The following URI1 variants were observed in gnomAD, a reference collection of about 807,000 sequenced individuals.
URI1 encodes unconventional prefoldin RPB5 interactor 1.
Under a neutral mutation model 60.2 loss-of-function variants are expected in URI1, and 39 were observed. That is an observed-to-expected ratio of 0.65 (90% CI 0.50 to 0.85). The LOEUF (loss-of-function observed/expected upper bound fraction) is 0.85. URI1 is among the 40% of genes least tolerant of loss of function. The pLI, the probability that URI1 is intolerant of heterozygous loss-of-function variation, is 0.00. For synonymous variants in URI1, 251 were observed against 236.8 expected, an observed-to-expected ratio of 1.06 and a Z score of -0.55; for missense variants, 691 against 665.9, an observed-to-expected ratio of 1.04 and a Z score of -0.42.
At chr19:29,966,551 C>CT (rs1438798523) in intron 1 of URI1, among the ~76,000 whole-genome samples, 1 of 152,156 alleles carries the variant, frequency 6.6e-6, no homozygotes, top group African/African-American at 2.4e-5. Context: ...AAGGGGTTTA[C>CT]TTAAAAGATT....
At position 29,996,499 on chromosome 19, in the gene URI1, G is replaced by A. The variant is rs1475732747; in HGVS notation, c.368-8862G>A. On this transcript the variant is annotated intron_variant, in intron 4 of 10. Coordinates refer to ENST00000392271, the MANE Select transcript of URI1 (RefSeq NM_003796.3). Reference sequence around the variant, plus strand: ...GTGTTTTGTGTGTGTGTGTGTGTGTGTATTCTTTAGGGTTTTCTGCATATT... The same window carrying A: ...GTGTTTTGTGTGTGTGTGTGTGTGTATATTCTTTAGGGTTTTCTGCATATT... Among the ~76,000 whole-genome samples the A allele has an allele frequency of 2.0e-5, 3 of 152,048 alleles. No individual in the cohort carries two copies. In the East Asian group the frequency reaches 5.8e-4, roughly 29 times the overall value.
At chr19:29,998,328 A>G (rs1255038507) in intron 4 of URI1, among the ~76,000 whole-genome samples, 1 of 152,034 alleles carries the variant, frequency 6.6e-6, no homozygotes, top group African/African-American at 2.4e-5. Flanking sequence ...AGGTTTCTAT[A>G]TATGTCTATT....
intron 1 of URI1, among the ~76,000 whole-genome samples, chr19:29,930,403 C>T (rs1247489798): frequency 6.6e-6 from 1 of 152,022 alleles, no homozygotes; most frequent in Non-Finnish European, 1.5e-5. Flanking sequence ...TTAGGTCTTA[C>T]GTTCAGGTCT....
At chr19:29,933,266 CT>C (rs1367874218) in intron 1 of URI1, among the ~76,000 whole-genome samples, 1 of 152,042 alleles carries the variant, frequency 6.6e-6, no homozygotes, top group Non-Finnish European at 1.5e-5. Context: ...TTGTTGGAAA[CT>C]TTTTGATTAC....
rs2055983166 is a variant in URI1 at position 30,009,154 on chromosome 19, G to A, written c.836G>A (p.Ser279Asn). The change falls in exon 8 of 11, where the codon AGT (serine) becomes AAT (asparagine). Residue 279 changes from serine to asparagine, a missense_variant. By Grantham distance (46) the Ser-to-Asn change is conservative (BLOSUM62 1). Transcript: ENST00000392271. ...HKDVASSEPFSGQVNSQLNCS... is the reference protein window; with the variant it reads ...HKDVASSEPFNGQVNSQLNCS... The stretch of plus-strand genomic sequence containing the variant: ...GATGTTGCAAGTTCAGAACCATTCA[G>A]TGGTCAAGTGAATAGTCAGTTGAAC... The A allele has an allele frequency of 6.2e-7, 1 of 1,613,976 alleles. No homozygotes were observed. The highest frequency in any genetic ancestry group is 2.2e-5 in the East Asian group (1 of 44,854).
chr19:29,971,140 A>C, intron 1 of URI1, 53 bp from the exon 2 acceptor site: 1 of 1,569,586 alleles, frequency 6.4e-7, no homozygotes, highest in Non-Finnish European at 8.8e-7. Flanking sequence ...TGATTTTTGT[A>C]GCTCTGTGCA....
intron 1 of URI1, among the ~76,000 whole-genome samples, chr19:29,927,984 T>G (rs759697623): frequency 6.6e-6 from 1 of 152,088 alleles, no homozygotes; most frequent in Non-Finnish European, 1.5e-5. Flanking sequence ...GAAAAGGCCA[T>G]GCCACTTCTG....
At chr19:29,955,081 C>T (rs1280941971) in intron 1 of URI1, among the ~76,000 whole-genome samples, 1 of 151,452 alleles carries the variant, frequency 6.6e-6, no homozygotes. Context: ...CTCGGCTCCG[C>T]CTCCCGGGTT....
intron 1 of URI1, among the ~76,000 whole-genome samples, chr19:29,930,394 T>C (rs1199353602): frequency 2.0e-5 from 3 of 152,214 alleles, no homozygotes; most frequent in Non-Finnish European, 4.4e-5. Context: ...TGTTTGACTT[T>C]AGGTCTTACG....
intron 1 of URI1, among the ~76,000 whole-genome samples, chr19:29,945,438 C>G (rs1485592706): frequency 2.6e-5 from 4 of 152,034 alleles, no homozygotes; most frequent in African/African-American, 9.7e-5. Context: ...AATTGGCAAC[C>G]TGAGGAAGAG....
chr19:29,990,428 C>A (rs2055732243), intron 4 of URI1, among the ~76,000 whole-genome samples: 1 of 152,134 alleles, frequency 6.6e-6, no homozygotes, highest in Non-Finnish European at 1.5e-5. Flanking sequence ...AAATGTATGT[C>A]CACAAATACT....
intron 1 of URI1, among the ~76,000 whole-genome samples, chr19:29,942,944 C>T (rs1023869839): frequency 2.0e-5 from 3 of 152,228 alleles, no homozygotes; most frequent in African/African-American, 7.2e-5. Context: ...AGCACGCTGT[C>T]AACGGAAGCG....
At chr19:29,943,905 C>T (rs1041061156) in intron 1 of URI1, among the ~76,000 whole-genome samples, 13 of 151,400 alleles carry the variant, frequency 8.6e-5, no homozygotes, top group African/African-American at 3.2e-4. Flanking sequence ...ATGTCAAGGT[C>T]GTGGAATTGC....
chr19:29,960,370 T>A lies in URI1; in HGVS notation c.118-10823T>A, dbSNP rs139313525. The stretch of plus-strand genomic sequence containing the variant: ...GCTAATTCTATCATTTATTGAGATA[T>A]GTATTAAAATAGTCACTAGGATTAT... On this transcript the variant is annotated intron_variant, in intron 1 of 10. Coordinates refer to ENST00000392271, the MANE Select transcript of URI1 (RefSeq NM_003796.3). 1.9e-3 allele frequency among the ~76,000 whole-genome samples: 292 copies of A among 152,318 alleles called. 1 individual carries two copies. The highest frequency in any genetic ancestry group is 6.7e-3 in the African/African-American group (278 of 41,582).
chr19:29,957,382 G>A (rs1422409533), intron 1 of URI1, among the ~76,000 whole-genome samples: 1 of 151,888 alleles, frequency 6.6e-6, no homozygotes, highest in Non-Finnish European at 1.5e-5. Context: ...TTCTGGAGGG[G>A]GTTAAGCTTT....
intron 1 of URI1, among the ~76,000 whole-genome samples, chr19:29,965,337 A>G (rs1281214783): frequency 1.3e-5 from 2 of 152,190 alleles, no homozygotes; most frequent in African/African-American, 4.8e-5. Flanking sequence ...AGGCATGTGA[A>G]TGGAGAAGAA....
At chr19:29,925,055 C>T (rs1159332574) in intron 1 of URI1, among the ~76,000 whole-genome samples, 5 of 152,228 alleles carry the variant, frequency 3.3e-5, no homozygotes, top group Non-Finnish European at 7.4e-5. Flanking sequence ...AGGCTGGTCT[C>T]GAACTACTGA....
At chr19:29,925,716 G>C (rs2054859566) in intron 1 of URI1, 1 of 152,206 alleles carries the variant, frequency 6.6e-6, no homozygotes. Context: ...TCCCGTGACT[G>C]ACTTAGGCTC....
intron 4 of URI1, among the ~76,000 whole-genome samples, chr19:29,990,783 A>G (rs2055736444): frequency 6.6e-6 from 1 of 152,212 alleles, no homozygotes; most frequent in South Asian, 2.1e-4. Context: ...ATACAAAAAT[A>G]CAGATTTTGG....
Sources: gnomAD v4.1 joint callset for allele counts (sites outside exome capture counted in the v4.1 genomes callset) on GRCh38, gnomAD v4.1.1 for gene constraint, MANE v1.5 for transcripts, NCBI Gene and HGNC (gene_info 2026-07-23, HGNC 2026-07-21) for gene names.